ROBO1: variants seen among roughly 807,000 people sequenced by gnomAD.
The protein encoded by ROBO1 is roundabout guidance receptor 1.
Under a neutral mutation model 195.9 loss-of-function variants are expected in ROBO1, and 149 were observed. The ratio of observed to expected loss-of-function variants is 0.76; its 90% CI spans 0.67 to 0.87. ROBO1 has a LOEUF of 0.87. Among genes scored for constraint, ROBO1 ranks in the 40% least tolerant of loss-of-function variants. ROBO1 has a pLI of 0.00. For synonymous variants in ROBO1, 816 were observed against 733.2 expected, an observed-to-expected ratio of 1.11 and a Z score of -1.82; for missense variants, 1,933 against 2,068.3, an observed-to-expected ratio of 0.93 and a Z score of 1.27.
At chr3:79,642,061 T>C (rs1402497305) in intron 1 of ROBO1, among the ~76,000 whole-genome samples, 1 of 152,090 alleles carries the variant, frequency 6.6e-6, no homozygotes, top group African/African-American at 2.4e-5. Context: ...TAAAGAAACA[T>C]TTAACAAAGA....
chr3:78,902,967 C>T (rs1159323037), intron 4 of ROBO1, among the ~76,000 whole-genome samples: 1 of 152,138 alleles, frequency 6.6e-6, no homozygotes, highest in African/African-American at 2.4e-5. Context: ...CACACCTAAG[C>T]CACAGAAAGA....
rs983492994 is a variant in ROBO1 at position 78,659,707 on chromosome 3, A to G, written c.2421T>C (p.Asn807=). ...SWQPPPEDTQ[N]GMVQEYKVWC... ...ATACCTTATACTCTTGGACCATTCC[A>G]TTTTGAGTGTCTTCTGGAGGTGGCT... is the stretch of plus-strand genomic sequence containing the variant. Residue 807 remains asparagine, a synonymous_variant, in exon 17 of 31, where the codon AAT becomes AAC. Coordinates refer to ENST00000464233, the MANE Select transcript of ROBO1 (RefSeq NM_002941.4). The G allele has an allele frequency of 4.5e-6, 7 of 1,555,840 alleles. No individual in the cohort carries two copies. Among genetic ancestry groups the G allele is most frequent in the East Asian group, 2.4e-5 (1 of 41,800 alleles).
At position 79,343,498 on chromosome 3, in the gene ROBO1, C is replaced by CA. The variant is rs201643323; in HGVS notation, c.89-217960dup. Among the ~76,000 whole-genome samples the CA allele has an allele frequency of 2.2e-4, 33 of 151,920 alleles. No individual in the cohort carries two copies. In the East Asian group the frequency reaches 4.1e-3, roughly 19 times the overall value. Reference sequence around the variant, plus strand: ...AAATAAATAAACTGAGCAATCATGGCAAAAAAAGATGCTGAATTTTGTGAT... The same window carrying CA: ...AAATAAATAAACTGAGCAATCATGGCAAAAAAAAGATGCTGAATTTTGTGAT... On this transcript the variant is annotated intron_variant, in intron 2 of 30. Coordinates refer to ENST00000464233, the MANE Select transcript of ROBO1 (RefSeq NM_002941.4).
intron 4 of ROBO1, among the ~76,000 whole-genome samples, chr3:78,888,579 T>C (rs1408300815): frequency 2.0e-5 from 3 of 152,198 alleles, no homozygotes; most frequent in African/African-American, 7.2e-5. Context: ...ATTTCAACCT[T>C]AAAATGAATA....
chr3:79,509,425 G>A (rs942002228), intron 2 of ROBO1, among the ~76,000 whole-genome samples: 1 of 152,068 alleles, frequency 6.6e-6, no homozygotes, highest in African/African-American at 2.4e-5. Context: ...GGGATATGGG[G>A]TTAGGTATTC....
chr3:79,652,708 T>C (rs995977441), intron 1 of ROBO1, among the ~76,000 whole-genome samples: 3 of 151,978 alleles, frequency 2.0e-5, no homozygotes, highest in African/African-American at 7.2e-5. Context: ...ATGGCAGTAG[T>C]AGTAGTGTAT....
intron 4 of ROBO1, among the ~76,000 whole-genome samples, chr3:78,860,139 G>GTAGATAGA (rs766675007): frequency 0.061 from 8,598 of 141,904 alleles, 308 homozygotes; most frequent in African/African-American, 0.088. Context: ...AGGTAGATAG[G>GTAGATAGA]TAGATAGATA....
At chr3:79,331,938 C>G (rs921675380) in intron 2 of ROBO1, among the ~76,000 whole-genome samples, 12 of 151,958 alleles carry the variant, frequency 7.9e-5, no homozygotes, top group African/African-American at 2.7e-4. Context: ...GTCAGGAGAT[C>G]GAGACCATCC....
intron 3 of ROBO1, chr3:79,018,569 AACGTGGGTC>A (rs2078015841): frequency 6.6e-7 from 1 of 1,520,996 alleles, no homozygotes; most frequent in African/African-American, 1.4e-5. Flanking sequence ...TAATATAAGC[AACGTGGGTC>A]AATTAGCCAA....
intron 4 of ROBO1, among the ~76,000 whole-genome samples, chr3:78,792,295 A>C (rs571876523): frequency 3.9e-5 from 6 of 152,318 alleles, no homozygotes; most frequent in African/African-American, 1.2e-4. Flanking sequence ...ATAGCTTTGT[A>C]GACTTTAATT....
chr3:78,889,317 A>G (rs979398662), intron 4 of ROBO1, among the ~76,000 whole-genome samples: 4 of 152,088 alleles, frequency 2.6e-5, no homozygotes, highest in Non-Finnish European at 5.9e-5. Context: ...TGTCAGGGGA[A>G]CCCTAGAGGC....
intron 2 of ROBO1, among the ~76,000 whole-genome samples, chr3:79,335,079 T>G (rs1230166888): frequency 6.6e-6 from 1 of 152,142 alleles, no homozygotes; most frequent in East Asian, 1.9e-4. Context: ...ATCATGCCAC[T>G]GAACTCCAGT....
At chr3:79,439,976 T>C (rs1401373887) in intron 2 of ROBO1, among the ~76,000 whole-genome samples, 1 of 152,028 alleles carries the variant, frequency 6.6e-6, no homozygotes, top group Admixed American at 6.6e-5. Context: ...AGGGGTGACA[T>C]TTGAGCCAGA....
chr3:78,815,736 T>A (rs2038666120), intron 4 of ROBO1, among the ~76,000 whole-genome samples: 1 of 152,176 alleles, frequency 6.6e-6, no homozygotes, highest in African/African-American at 2.4e-5. Flanking sequence ...TCTGTTTAAT[T>A]TTTTTAATGA....
intron 2 of ROBO1, among the ~76,000 whole-genome samples, chr3:79,314,381 T>G (rs1302201975): frequency 6.6e-6 from 1 of 152,216 alleles, no homozygotes; most frequent in Admixed American, 6.5e-5. Flanking sequence ...ACCCTCATGC[T>G]GTTCTCATGA....
chr3:79,491,375 T>A (rs1437203596), intron 2 of ROBO1, among the ~76,000 whole-genome samples: 1 of 152,178 alleles, frequency 6.6e-6, no homozygotes, highest in Non-Finnish European at 1.5e-5. Flanking sequence ...GCTGAGCTGC[T>A]GACAGTCGGG....
chr3:78,927,618 A>G (rs533253426), intron 4 of ROBO1, among the ~76,000 whole-genome samples: 1 of 152,364 alleles, frequency 6.6e-6, no homozygotes, highest in Non-Finnish European at 1.5e-5. Flanking sequence ...TGCCAAAATA[A>G]TAATTCATTG....
At chr3:79,393,389 G>C (rs2037026900) in intron 2 of ROBO1, among the ~76,000 whole-genome samples, 1 of 152,170 alleles carries the variant, frequency 6.6e-6, no homozygotes, top group Non-Finnish European at 1.5e-5. Context: ...TACTCTTCAT[G>C]GTTGAGAAAT....
chr3:79,672,654 T>C (rs185587883), intron 1 of ROBO1, among the ~76,000 whole-genome samples: 489 of 151,996 alleles, frequency 3.2e-3, no homozygotes, highest in Non-Finnish European at 5.5e-3. Context: ...ATTAATAGTT[T>C]CCGTAGTTGT....
Sources: allele counts gnomAD v4.1 joint callset (sites outside exome capture counted in the v4.1 genomes callset), GRCh38; gene constraint gnomAD v4.1.1; transcripts MANE v1.5; gene names NCBI Gene and HGNC (gene_info 2026-07-23, HGNC 2026-07-21).